UBE3A: variants seen among roughly 807,000 people sequenced by gnomAD.
UBE3A encodes the protein ubiquitin-protein ligase E3A.
In UBE3A, 6 loss-of-function variants were observed where a neutral mutation model predicts 83.4. That is an observed-to-expected ratio of 0.07 (90% CI 0.04 to 0.14). UBE3A has a LOEUF of 0.14. UBE3A is among the 10% of genes least tolerant of loss of function. The probability of loss-of-function intolerance (pLI) is 1.00; values close to 1 mark genes in which losing one functional copy is unlikely to be tolerated. For missense variants in UBE3A, 456 were observed against 1,036.1 expected, an observed-to-expected ratio of 0.44 and a Z score of 7.69; for synonymous variants, 337 against 355.4, an observed-to-expected ratio of 0.95 and a Z score of 0.58.
rs2076995867 is a variant in UBE3A at position 25,354,812 on chromosome 15, T to G, written c.2125-129A>C. On this transcript the variant is annotated intron_variant, in intron 9 of 12. Coordinates refer to ENST00000648336, the MANE Select transcript of UBE3A (RefSeq NM_130839.5). ...TCAAGAATATTCTTAAAAATTCAAT[T>G]TTACACCTACTTCTTAACAATTTCA... is the stretch of plus-strand genomic sequence containing the variant. 12 of 856,304 alleles carry G rather than the reference T, an allele frequency of 1.4e-5. No homozygotes were observed. The East Asian group carries it at 3.2e-4, about 23-fold the overall frequency. 53.0% of individuals were successfully genotyped at this position (856,304 alleles called of 1,614,324 possible).
chr15:25,408,858 A>G, intron 3 of UBE3A: 1 of 746,152 alleles, frequency 1.3e-6, no homozygotes, highest in Non-Finnish European at 2.1e-6. Context: ...TTTTTGAGAA[A>G]TACTTTCCTG....
intron 4 of UBE3A, among the ~76,000 whole-genome samples, chr15:25,404,249 A>G (rs975701152): frequency 1.3e-5 from 2 of 152,052 alleles, no homozygotes; most frequent in Non-Finnish European, 2.9e-5. Flanking sequence ...AAAAATCTTG[A>G]TTTTTCCACC....
chr15:25,432,905 C>A (rs1005557461), intron 1 of UBE3A, among the ~76,000 whole-genome samples: 1 of 152,162 alleles, frequency 6.6e-6, no homozygotes, highest in African/African-American at 2.4e-5. Flanking sequence ...ACACGAGATT[C>A]CTGTTCAGAT....
chr15:25,369,766 ATATTCT>A (rs1005415212), intron 6 of UBE3A, among the ~76,000 whole-genome samples: 1 of 152,168 alleles, frequency 6.6e-6, no homozygotes, highest in African/African-American at 2.4e-5. Context: ...GGCCACTCTT[ATATTCT>A]TAAACAGATA....
At chr15:25,361,848 T>C (rs1404498528) in intron 6 of UBE3A, among the ~76,000 whole-genome samples, 1 of 152,076 alleles carries the variant, frequency 6.6e-6, no homozygotes, top group Non-Finnish European at 1.5e-5. Context: ...TTTTGAAAAA[T>C]GCAATAATCA....
chr15:25,366,709 T>A (rs906674994), intron 6 of UBE3A, among the ~76,000 whole-genome samples: 3 of 152,130 alleles, frequency 2.0e-5, no homozygotes, highest in African/African-American at 7.2e-5. Flanking sequence ...CCAAAACACA[T>A]AAACATACTT....
chr15:25,433,990 A>C (rs1326820215), intron 1 of UBE3A, among the ~76,000 whole-genome samples: 1 of 152,206 alleles, frequency 6.6e-6, no homozygotes, highest in Non-Finnish European at 1.5e-5. Flanking sequence ...GGATCACTCC[A>C]GCCTGAGACT....
At chr15:25,430,139 T>A (rs1596489163) in intron 1 of UBE3A, among the ~76,000 whole-genome samples, 1 of 60,620 alleles carries the variant, frequency 1.6e-5, no homozygotes, top group African/African-American at 9.4e-5. Context: ...ATATATATAT[T>A]ATATATATAA....
rs1234051930 is a variant in UBE3A, at chr15:25,371,853, A to G, written c.362-41T>C. On this transcript the variant is annotated intron_variant, in intron 5 of 12. Transcript: ENST00000648336. The surrounding 1 kb of genome is among the most constrained non-coding windows in gnomAD (Gnocchi z 5.3). ...AAAAAAGAGAACATTTATTTTCATA[A>G]TATGTATGTTTACTCTGTTGCAAAA... 6 of 1,577,462 alleles carry G rather than the reference A, an allele frequency of 3.8e-6. No homozygotes were observed. The highest frequency in any genetic ancestry group is 1.4e-5 in the African/African-American group (1 of 73,778).
intron 4 of UBE3A, among the ~76,000 whole-genome samples, chr15:25,380,883 A>T (rs2082062420): frequency 6.6e-6 from 1 of 152,234 alleles, no homozygotes; most frequent in Non-Finnish European, 1.5e-5. Flanking sequence ...ACATGAAAAT[A>T]CTTATCCATT....
chr15:25,368,621 C>G (rs2079735413), intron 6 of UBE3A, among the ~76,000 whole-genome samples: 1 of 151,956 alleles, frequency 6.6e-6, no homozygotes, highest in South Asian at 2.1e-4. Flanking sequence ...ATAGGCCACA[C>G]TATATTATCT....
chr15:25,340,892 T>C (rs1009973081), intron 11 of UBE3A, among the ~76,000 whole-genome samples: 5 of 152,182 alleles, frequency 3.3e-5, no homozygotes, highest in African/African-American at 1.2e-4. Flanking sequence ...GCAGTTATTT[T>C]AAGAGAATGA....
chr15:25,354,604 T>A lies in UBE3A; in HGVS notation c.2204A>T (p.His735Leu), dbSNP rs923946807. The A allele has an allele frequency of 1.2e-6, 2 of 1,613,854 alleles. No individual in the cohort carries two copies. Among genetic ancestry groups the A allele is most frequent in the Non-Finnish European group, 1.7e-6 (2 of 1,179,898 alleles). The change falls in exon 10 of 13, where the codon CAT (histidine) becomes CTT (leucine). Residue 735 changes from histidine to leucine, a missense_variant. Physicochemically the swap from His to Leu is moderately conservative, Grantham distance 99. Around this residue, in one of 13 missense-constraint regions of UBE3A, gnomAD observed 82 missense variants for 199.3 expected, o/e 0.41. Coordinates refer to ENST00000648336, the MANE Select transcript of UBE3A (RefSeq NM_130839.5). ...TAAGGGAGATTCATTGGTCACCATA[T>A]GAAAACCTCTCCGAAAAGCCTTGAA... ...KQFKAFRRGF[H>L]MVTNESPLKY...
chr15:25,407,017 T>C, intron 3 of UBE3A: 2 of 1,271,386 alleles, frequency 1.6e-6, no homozygotes, highest in Non-Finnish European at 2.0e-6. Flanking sequence ...TGCAAAAATT[T>C]CACTCCACCC....
chr15:25,363,050 T>G (rs1258024872), intron 6 of UBE3A, among the ~76,000 whole-genome samples: 1 of 152,168 alleles, frequency 6.6e-6, no homozygotes, highest in African/African-American at 2.4e-5. Flanking sequence ...CTGTGTTCTA[T>G]CTAGTCTTAG....
chr15:25,427,243 G>A (rs1272516102), intron 1 of UBE3A, among the ~76,000 whole-genome samples: 3 of 151,956 alleles, frequency 2.0e-5, no homozygotes, highest in African/African-American at 4.8e-5. Flanking sequence ...AGATAAACAC[G>A]ACTCAGAATT....
rs542432342 is a variant in UBE3A at position 25,388,504 on chromosome 15, C to T, written c.63-12741G>A. Among the ~76,000 whole-genome samples, 27 of 152,262 alleles carry T rather than the reference C, an allele frequency of 1.8e-4. No individual in the cohort carries two copies. The South Asian group carries it at 5.6e-3, about 32-fold the overall frequency. On this transcript the variant is annotated intron_variant, in intron 4 of 12. Coordinates refer to ENST00000648336, the MANE Select transcript of UBE3A (RefSeq NM_130839.5). ...ACGTTTACAAAAAACATACAGCTAA[C>T]ACCATCCTTAATGATGAGAAACTAG...
chr15:25,378,054 A>C (rs1274997310), intron 4 of UBE3A, among the ~76,000 whole-genome samples: 1 of 152,206 alleles, frequency 6.6e-6, no homozygotes, highest in Non-Finnish European at 1.5e-5. Context: ...CATATTAAAA[A>C]TTAATAACTA....
chr15:25,386,568 T>A (rs2083178855), intron 4 of UBE3A, among the ~76,000 whole-genome samples: 1 of 152,018 alleles, frequency 6.6e-6, no homozygotes, highest in Non-Finnish European at 1.5e-5. Flanking sequence ...GAAGAATGCC[T>A]TTGATGGGCT....
Sources: gnomAD v4.1 joint callset for allele counts (sites outside exome capture counted in the v4.1 genomes callset) on GRCh38, gnomAD v4.1.1 for gene constraint, gnomAD v4.1.1 regional missense constraint, Gnocchi (gnomAD v3.1) non-coding constraint, MANE v1.5 for transcripts, NCBI Gene and HGNC (gene_info 2026-07-23, HGNC 2026-07-21) for gene names.